The following SNTG1 variants were observed in gnomAD, a reference collection of about 807,000 sequenced individuals.
SNTG1 encodes the protein gamma-1-syntrophin.
A neutral mutation model predicts 74.7 loss-of-function variants in SNTG1; 39 were observed. The observed-to-expected ratio is 0.52, with a 90% CI of 0.40 to 0.68. The LOEUF is 0.68. Ranked by LOEUF, SNTG1 falls within the 30% of genes least tolerant of loss-of-function variation. SNTG1 has a pLI of 0.00. For missense variants in SNTG1, 685 were observed against 609.5 expected, an observed-to-expected ratio of 1.12 and a Z score of -1.30; for synonymous variants, 254 against 217.1, an observed-to-expected ratio of 1.17 and a Z score of -1.49.
chr8:50,445,158 C>T (rs936578416), intron 5 of SNTG1, among the ~76,000 whole-genome samples: 2 of 151,978 alleles, frequency 1.3e-5, no homozygotes, highest in African/African-American at 4.8e-5. Context: ...TATTTTTTGC[C>T]AAAATCAAAC....
At chr8:50,683,280 AAGTT>A (rs1228762343) in intron 15 of SNTG1, among the ~76,000 whole-genome samples, 1 of 152,126 alleles carries the variant, frequency 6.6e-6, no homozygotes, top group Non-Finnish European at 1.5e-5. Flanking sequence ...TCCCCGTTGA[AAGTT>A]ATTTGTATTT....
intron 12 of SNTG1, among the ~76,000 whole-genome samples, chr8:50,565,129 A>G (rs2094509036): frequency 6.6e-6 from 1 of 152,090 alleles, no homozygotes; most frequent in Non-Finnish European, 1.5e-5. Context: ...CAACTGATGA[A>G]CATTCTACAA....
intron 1 of SNTG1, among the ~76,000 whole-genome samples, chr8:49,974,970 C>T (rs998668694): frequency 2.0e-5 from 3 of 151,964 alleles, no homozygotes; most frequent in African/African-American, 7.3e-5. Context: ...AGAGAAAGAA[C>T]ATGGAGAGTG....
chr8:50,058,760 GTGTA>G (rs961369583), intron 1 of SNTG1, among the ~76,000 whole-genome samples: 14 of 151,572 alleles, frequency 9.2e-5, no homozygotes, highest in African/African-American at 3.4e-4. Context: ...GTGTGTGTGT[GTGTA>G]TGTGTGTTTA....
chr8:50,777,565 T>C (rs1400967278), intron 18 of SNTG1, among the ~76,000 whole-genome samples: 1 of 151,774 alleles, frequency 6.6e-6, no homozygotes, highest in Non-Finnish European at 1.5e-5. Flanking sequence ...ATTGGAACAA[T>C]TTTGTTGTGA....
In SNTG1 at chr8:50,630,623, T is replaced by G. The variant is rs568715843; in HGVS notation, c.850-26286T>G. ...GAAACACAAAGCACCTCCTCTTTAT[T>G]TATACAACCATATCTACAGCCAAAG... On this transcript the variant is annotated intron_variant, in intron 13 of 18. Coordinates refer to ENST00000642720, the MANE Select transcript of SNTG1 (RefSeq NM_018967.5). 2.8e-4 allele frequency among the ~76,000 whole-genome samples: 42 copies of G among 152,310 alleles called. No homozygotes were observed. The South Asian group carries it at 8.7e-3, about 32-fold the overall frequency.
chr8:50,413,024 A>T (rs2131406205), intron 4 of SNTG1, among the ~76,000 whole-genome samples: 1 of 152,342 alleles, frequency 6.6e-6, no homozygotes, highest in South Asian at 2.1e-4. Context: ...GACTGATATC[A>T]AGATGGAAAC....
intron 9 of SNTG1, among the ~76,000 whole-genome samples, chr8:50,505,905 A>G (rs1015534476): frequency 6.6e-6 from 1 of 151,990 alleles, no homozygotes; most frequent in Non-Finnish European, 1.5e-5. Flanking sequence ...TTTTGGTGTC[A>G]TATTCAGAAA....
intron 1 of SNTG1, among the ~76,000 whole-genome samples, chr8:49,973,996 G>A (rs1413876456): frequency 3.3e-5 from 5 of 152,046 alleles, no homozygotes; most frequent in Admixed American, 6.6e-5. Flanking sequence ...TTTTTATGTC[G>A]TTAGAATGTT....
chr8:49,911,070 T>A (rs1805554282), upstream of SNTG1: 1 of 152,238 alleles, frequency 6.6e-6, no homozygotes, highest in African/African-American at 2.4e-5. Context: ...TGCTTTTTCC[T>A]GTCTTTTTCA....
chr8:50,356,131 G>A (rs2091809942), intron 2 of SNTG1, among the ~76,000 whole-genome samples: 1 of 151,858 alleles, frequency 6.6e-6, no homozygotes, highest in South Asian at 2.1e-4. Flanking sequence ...TAACTCGGTG[G>A]GTTTGTTTTT....
intron 11 of SNTG1, among the ~76,000 whole-genome samples, chr8:50,547,381 C>A (rs2094395766): frequency 6.6e-6 from 1 of 152,110 alleles, no homozygotes; most frequent in African/African-American, 2.4e-5. Flanking sequence ...TTCACTTGTT[C>A]TTACACAATT....
chr8:50,487,702 G>GA (rs2093810716), intron 8 of SNTG1, among the ~76,000 whole-genome samples: 1 of 151,458 alleles, frequency 6.6e-6, no homozygotes, highest in Admixed American at 6.6e-5. Flanking sequence ...TCGGAGGGGG[G>GA]GGAGGGATAG....
At chr8:50,576,813 CA>C (rs2094579333) in intron 12 of SNTG1, among the ~76,000 whole-genome samples, 1 of 152,008 alleles carries the variant, frequency 6.6e-6, no homozygotes, top group Non-Finnish European at 1.5e-5. Flanking sequence ...AATCTGTAAT[CA>C]GATAGTTTTC....
At chr8:49,968,520 G>T (rs951416396) in intron 1 of SNTG1, among the ~76,000 whole-genome samples, 1 of 152,008 alleles carries the variant, frequency 6.6e-6, no homozygotes, top group Non-Finnish European at 1.5e-5. Context: ...ATCACTAGAT[G>T]CAATACTGAA....
intron 2 of SNTG1, among the ~76,000 whole-genome samples, chr8:50,387,310 C>G (rs192996268): frequency 2.8e-4 from 42 of 152,246 alleles, no homozygotes; most frequent in Admixed American, 2.6e-3. Context: ...TTTAACAGAG[C>G]CACCACACAA....
chr8:50,265,574 A>G (rs374085216), intron 2 of SNTG1, among the ~76,000 whole-genome samples: 3 of 152,056 alleles, frequency 2.0e-5, no homozygotes, highest in Non-Finnish European at 4.4e-5. Context: ...AGAAAAGAGT[A>G]TTTGCTTTTG....
chr8:50,470,537 A>T (rs2093643933), intron 8 of SNTG1, among the ~76,000 whole-genome samples: 1 of 151,518 alleles, frequency 6.6e-6, no homozygotes, highest in African/African-American at 2.4e-5. Flanking sequence ...ACAGCTCTTA[A>T]AGGTGGCGCG....
chr8:50,038,287 G>A (rs753293658), intron 1 of SNTG1, among the ~76,000 whole-genome samples: 3 of 152,126 alleles, frequency 2.0e-5, no homozygotes, highest in Non-Finnish European at 2.9e-5. Context: ...TCGTAGATGT[G>A]TACTGCAGAA....
Sources: gnomAD v4.1 joint callset for allele counts (sites outside exome capture counted in the v4.1 genomes callset) on GRCh38, gnomAD v4.1.1 for gene constraint, MANE v1.5 for transcripts, NCBI Gene and HGNC (gene_info 2026-07-23, HGNC 2026-07-21) for gene names.